CUBN: variants seen among roughly 807,000 people sequenced by gnomAD.
The protein encoded by CUBN is 460 kDa receptor.
A neutral mutation model predicts 405.3 loss-of-function variants in CUBN; 282 were observed. The ratio of observed to expected loss-of-function variants is 0.70; its 90% CI spans 0.63 to 0.77. The LOEUF is 0.77. Ranked by LOEUF, CUBN falls within the 30% of genes least tolerant of loss-of-function variation. The pLI is 0.00. For synonymous variants in CUBN, 1,684 were observed against 1,617.0 expected, an observed-to-expected ratio of 1.04 and a Z score of -0.99; for missense variants, 4,514 against 4,475.2, an observed-to-expected ratio of 1.01 and a Z score of -0.25.
chr10:16,918,339 T>C (rs951569696), intron 45 of CUBN, among the ~76,000 whole-genome samples: 10 of 152,184 alleles, frequency 6.6e-5, no homozygotes, highest in African/African-American at 2.4e-4. Flanking sequence ...AATGTCATAA[T>C]AGTTTGATAG....
rs182160495 is a variant in CUBN at position 16,873,195 on chromosome 10, C to T, written c.9236+1179G>A. 5.5e-3 allele frequency among the ~76,000 whole-genome samples: 838 copies of T among 152,276 alleles called. 10 individuals are homozygous for T. Among genetic ancestry groups the T allele is most frequent in the African/African-American group, 0.019 (804 of 41,534 alleles). On this transcript the variant is annotated intron_variant, in intron 58 of 66. Transcript: ENST00000377833. ...ACATGACCATGAACAATATTACTGT[C>T]AGAGTTTCCCACCACATGCCATACG...
intron 46 of CUBN, 48 bp downstream of exon 46, chr10:16,915,773 T>A: frequency 6.8e-7 from 1 of 1,481,170 alleles, no homozygotes; most frequent in Non-Finnish European, 9.4e-7. Flanking sequence ...GCTGAATAAG[T>A]ACATGTGAAA....
intron 56 of CUBN, among the ~76,000 whole-genome samples, chr10:16,883,983 GTATT>G (rs1332053402): frequency 6.6e-6 from 1 of 152,006 alleles, no homozygotes; most frequent in Non-Finnish European, 1.5e-5. Context: ...TTTTATTTAT[GTATT>G]TATTTATTTT....
chr10:17,065,723 A>G, intron 21 of CUBN, 85 bp from the exon 22 acceptor site: 2 of 1,506,996 alleles, frequency 1.3e-6, no homozygotes, highest in Non-Finnish European at 1.8e-6. Context: ...ACATGTAAAT[A>G]TAATAATAGG....
chr10:17,082,991 T>C (rs1836005686), intron 17 of CUBN, among the ~76,000 whole-genome samples: 3 of 152,130 alleles, frequency 2.0e-5, no homozygotes, highest in South Asian at 4.1e-4. Flanking sequence ...AGTCTTATAA[T>C]AGTGCCTGGA....
Position 16,935,875 on chromosome 10 carries a change from A to G in CUBN, c.5926+1717T>C, listed in dbSNP as rs1411263385. On this transcript the variant is annotated intron_variant, in intron 39 of 66. Coordinates refer to ENST00000377833, the MANE Select transcript of CUBN (RefSeq NM_001081.4). Reference sequence around the variant, plus strand: ...AGCCTGGGCGACAGAGCGAGACTCCATCTCAAAAAAAAAAAAAAAAAGAAA... The same window carrying G: ...AGCCTGGGCGACAGAGCGAGACTCCGTCTCAAAAAAAAAAAAAAAAAGAAA... Among the ~76,000 whole-genome samples the G allele has an allele frequency of 2.4e-4, 24 of 101,550 alleles. No individual in the cohort carries two copies. In the Admixed American group the frequency reaches 2.5e-3, roughly 10 times the overall value. The allele number at this position is 101,550 out of a possible 152,430, so 66.6% of individuals were successfully genotyped here. A position where few individuals can be genotyped will look rare whatever the true frequency, so the allele number is the denominator to read the frequency against.
At chr10:16,926,502 G>A (rs1239891516) in intron 41 of CUBN, among the ~76,000 whole-genome samples, 2 of 152,108 alleles carry the variant, frequency 1.3e-5, no homozygotes, top group African/African-American at 2.4e-5. Context: ...GGAGCAGAGT[G>A]TCCAATAAGG....
intron 29 of CUBN, among the ~76,000 whole-genome samples, chr10:16,985,347 T>G (rs1186150476): frequency 6.6e-6 from 1 of 152,208 alleles, no homozygotes; most frequent in Non-Finnish European, 1.5e-5. Context: ...GGTCAGACAG[T>G]TGATCATCCA....
intron 28 of CUBN, among the ~76,000 whole-genome samples, chr10:16,992,811 C>T (rs143152875): frequency 2.0e-5 from 3 of 152,094 alleles, no homozygotes; most frequent in South Asian, 2.1e-4. Context: ...CTAAAGCCTA[C>T]GAAAAAGCTG....
At position 16,836,327 on chromosome 10, in the gene CUBN, A is replaced by G; in HGVS notation, c.10088T>C (p.Val3363Ala). Residue 3363 changes from valine to alanine, a missense_variant, in exon 63 of 67, where the codon GTG (valine) becomes GCG (alanine). Around this residue, in one of 5 missense-constraint regions of CUBN, gnomAD observed 1,186 missense variants for 1,186.9 expected, o/e 1.00. Coordinates refer to ENST00000377833, the MANE Select transcript of CUBN (RefSeq NM_001081.4). The stretch of plus-strand genomic sequence containing the variant: ...TGCAGTACTCATAGAAGAATAAAAC[A>G]CTGGCACAGCCGAAGCATTTCTGCC... ...FCGRNASAVPVFYSSMSTAMV... is the reference protein window; with the variant it reads ...FCGRNASAVPAFYSSMSTAMV... 6.2e-7 allele frequency: 1 copy of G among 1,613,906 alleles called. No homozygotes were observed. Among genetic ancestry groups the G allele is most frequent in the South Asian group, 1.1e-5 (1 of 91,084 alleles).
chr10:16,842,203 C>T (rs1775093319), intron 60 of CUBN, among the ~76,000 whole-genome samples: 1 of 151,910 alleles, frequency 6.6e-6, no homozygotes, highest in Admixed American at 6.6e-5. Context: ...TGCCACCATG[C>T]CTAGCTAATT....
intron 22 of CUBN, 93 bp downstream of exon 22, chr10:17,065,415 G>A: frequency 6.6e-7 from 1 of 1,505,464 alleles, no homozygotes; most frequent in Non-Finnish European, 9.2e-7. Flanking sequence ...TGTGCCACAG[G>A]TTTGCGGATG....
chr10:17,050,917 C>T (rs906021335), intron 22 of CUBN, among the ~76,000 whole-genome samples: 1 of 152,054 alleles, frequency 6.6e-6, no homozygotes, highest in Non-Finnish European at 1.5e-5. Flanking sequence ...AAGTAATCAG[C>T]TAGATATCAA....
At chr10:16,840,787 A>G in intron 61 of CUBN, 98 bp downstream of exon 61, 1 of 1,096,446 alleles carries the variant, frequency 9.1e-7, no homozygotes, top group Non-Finnish European at 1.4e-6. Context: ...GAGTTTAGTA[A>G]TTAACATTGA....
chr10:16,828,830 G>A lies in CUBN; in HGVS notation c.10739C>T (p.Pro3580Leu). Residue 3580 changes from proline to leucine, a missense_variant, in exon 66 of 67, where the codon CCA becomes CTA. Pro to Leu is a moderately conservative substitution (Grantham distance 98). This residue lies in a region of CUBN where 1,186 missense variants were observed against 1,186.9 expected (regional missense o/e 1.00). Transcript: ENST00000377833. Reference protein sequence around the residue: ...TLYDGPNASSPSSGPYCGGDT... With the variant: ...TLYDGPNASSLSSGPYCGGDT... ...GCCTCCGCAGTATGGTCCAGAGGAT[G>A]GAGAGCTGGCGTTGGGCCCATCATA... 3 of 1,613,448 alleles carry A rather than the reference G, an allele frequency of 1.9e-6. No individual in the cohort carries two copies. The South Asian group carries it at 3.3e-5, about 18-fold the overall frequency.
At chr10:16,906,743 G>T (rs1841566900) in intron 49 of CUBN, among the ~76,000 whole-genome samples, 1 of 152,166 alleles carries the variant, frequency 6.6e-6, no homozygotes, top group East Asian at 1.9e-4. Context: ...ATGGTGGCAG[G>T]TCCTAATGGC....
chr10:16,891,945 T>G (rs1023099385), intron 54 of CUBN, among the ~76,000 whole-genome samples: 12 of 152,314 alleles, frequency 7.9e-5, no homozygotes, highest in Non-Finnish European at 1.2e-4. Flanking sequence ...AACAAGGATG[T>G]AGTTGGATGT....
intron 30 of CUBN, 67 bp downstream of exon 30, chr10:16,984,038 A>G (rs1833350861): frequency 1.3e-6 from 2 of 1,563,912 alleles, no homozygotes; most frequent in Non-Finnish European, 1.8e-6. Flanking sequence ...ACGTTTTCCC[A>G]AGCATTTCAT....
At chr10:17,019,460 C>T (rs1407255027) in intron 28 of CUBN, among the ~76,000 whole-genome samples, 2 of 152,090 alleles carry the variant, frequency 1.3e-5, no homozygotes, top group Non-Finnish European at 2.9e-5. Context: ...CAAGGTGAGC[C>T]TTAAGTCTCA....
Sources: allele counts gnomAD v4.1 joint callset (sites outside exome capture counted in the v4.1 genomes callset), GRCh38; gene constraint gnomAD v4.1.1; regional missense constraint gnomAD v4.1.1; transcripts MANE v1.5; gene names NCBI Gene and HGNC (gene_info 2026-07-23, HGNC 2026-07-21).